Variants in SLC4A10 observed in about 807,000 individuals in gnomAD.
The protein encoded by SLC4A10 is sodium-driven chloride bicarbonate exchanger.
Under a neutral mutation model 137.7 loss-of-function variants are expected in SLC4A10, and 42 were observed. That is an observed-to-expected ratio of 0.30 (90% CI 0.24 to 0.39). SLC4A10 has a LOEUF of 0.39. Among genes scored for constraint, SLC4A10 ranks in the 10% least tolerant of loss-of-function variants. The probability of loss-of-function intolerance (pLI) is 1.00; values close to 1 mark genes in which losing one functional copy is unlikely to be tolerated. For missense variants in SLC4A10, 925 were observed against 1,355.0 expected (o/e 0.68, Z 4.98); for synonymous variants, 474 against 464.1 (o/e 1.02, Z -0.27).
At chr2:161,646,565 C>G (rs1205243645) in intron 1 of SLC4A10, among the ~76,000 whole-genome samples, 1 of 151,750 alleles carries the variant, frequency 6.6e-6, no homozygotes, top group Non-Finnish European at 1.5e-5. Flanking sequence ...GTCTTTATAC[C>G]TATACTTTAG....
intron 15 of SLC4A10, 27 bp from the exon 16 acceptor site, chr2:161,942,765 A>G (rs781523724): frequency 6.5e-7 from 1 of 1,543,512 alleles, no homozygotes; most frequent in Non-Finnish European, 8.8e-7. Flanking sequence ...TACTTATTTC[A>G]CAAAAGACAC....
intron 9 of SLC4A10, among the ~76,000 whole-genome samples, chr2:161,881,751 C>A (rs975417228): frequency 6.6e-6 from 1 of 151,912 alleles, no homozygotes; most frequent in African/African-American, 2.4e-5. Flanking sequence ...GCCAAATGTT[C>A]GACCTAATAT....
At chr2:161,970,078 A>T (rs1021529177) in intron 23 of SLC4A10, among the ~76,000 whole-genome samples, 7 of 152,204 alleles carry the variant, frequency 4.6e-5, no homozygotes, top group Non-Finnish European at 1.0e-4. Flanking sequence ...ATCTCTGTTA[A>T]TAAGACCTCT....
In SLC4A10 at chr2:161,950,639, TATTC is replaced by T. The variant is rs750133555; in HGVS notation, c.2380-44_2380-41del. Reference sequence around the variant, plus strand: ...ATCTGTAAGACCTAATTTGATCAAGTATTCATTAATCCAGTTCATAACTATGCAC... The same window carrying T: ...ATCTGTAAGACCTAATTTGATCAAGTATTAATCCAGTTCATAACTATGCAC... On this transcript the variant is annotated intron_variant, in intron 18 of 26. Transcript: ENST00000446997. 2.6e-6 allele frequency: 4 copies of T among 1,537,374 alleles called. No homozygotes were observed. In the East Asian group the frequency reaches 9.7e-5, roughly 37 times the overall value.
rs2041407675 is a variant in SLC4A10 at position 161,686,379 on chromosome 2, CAATT to C, written c.48+61814_48+61817del. Among the ~76,000 whole-genome samples the C allele has an allele frequency of 4.6e-5, 7 of 151,966 alleles. No individual in the cohort carries two copies. The South Asian group carries it at 1.5e-3, about 32-fold the overall frequency. Reference sequence around the variant, plus strand: ...AAATTAAGATATATTTTTCAAATATCAATTTATTAAATATTAAAAGATTGATTAT... The same window carrying C: ...AAATTAAGATATATTTTTCAAATATCTATTAAATATTAAAAGATTGATTAT... On this transcript the variant is annotated intron_variant, in intron 1 of 26. Coordinates refer to ENST00000446997, the MANE Select transcript of SLC4A10 (RefSeq NM_001178015.2).
chr2:161,905,502 A>C (rs1043796367), intron 14 of SLC4A10, 140 bp from the exon 15 acceptor site: 2 of 1,211,400 alleles, frequency 1.7e-6, no homozygotes, highest in Non-Finnish European at 2.3e-6. Context: ...TGCTTTAGAC[A>C]GTCTTGAGTT....
At chr2:161,736,418 G>T (rs1225621753) in intron 1 of SLC4A10, among the ~76,000 whole-genome samples, 1 of 152,106 alleles carries the variant, frequency 6.6e-6, no homozygotes, top group Non-Finnish European at 1.5e-5. Flanking sequence ...ACACTGCTAT[G>T]GAGAAAAATC....
intron 3 of SLC4A10, among the ~76,000 whole-genome samples, chr2:161,810,303 A>C (rs1452857595): frequency 6.6e-6 from 1 of 152,030 alleles, no homozygotes; most frequent in Non-Finnish European, 1.5e-5. Context: ...AATTATAATC[A>C]TCAGCAAAGA....
chr2:161,853,553 C>T (rs1242085119), intron 4 of SLC4A10, among the ~76,000 whole-genome samples: 1 of 152,138 alleles, frequency 6.6e-6, no homozygotes, highest in Non-Finnish European at 1.5e-5. Context: ...AGAGGGAGAA[C>T]CAGTTATGAC....
At chr2:161,820,731 C>T (rs1261636250) in intron 3 of SLC4A10, among the ~76,000 whole-genome samples, 1 of 152,138 alleles carries the variant, frequency 6.6e-6, no homozygotes, top group Non-Finnish European at 1.5e-5. Flanking sequence ...GAAGCTACTA[C>T]AAGTAATAAT....
intron 6 of SLC4A10, among the ~76,000 whole-genome samples, chr2:161,868,192 A>G (rs1374364652): frequency 6.6e-6 from 1 of 151,982 alleles, no homozygotes; most frequent in African/African-American, 2.4e-5. Flanking sequence ...AAATGAGTTA[A>G]TATAATACTC....
At chr2:161,968,881 A>T (rs1176708964) in intron 23 of SLC4A10, among the ~76,000 whole-genome samples, 3 of 152,182 alleles carry the variant, frequency 2.0e-5, no homozygotes, top group African/African-American at 7.2e-5. Context: ...GTTTGCCCGG[A>T]TCTTGGTATT....
rs539137605 is a variant in SLC4A10 at position 161,818,537 on chromosome 2, G to A, written c.277+13942G>A. 1.3e-5 allele frequency among the ~76,000 whole-genome samples: 2 copies of A among 152,226 alleles called. 1 individual carries two copies. The highest frequency in any genetic ancestry group is 4.1e-4 in the South Asian group (2 of 4,824). The stretch of plus-strand genomic sequence containing the variant: ...ATGTTGAATAGGAGTGGTGAGAGAG[G>A]GCATCCCTGTCTTGTGCCAGTTTTC... On this transcript the variant is annotated intron_variant, in intron 3 of 26. Transcript: ENST00000446997.
chr2:161,976,711 A>G (rs780898452), intron 24 of SLC4A10, 49 bp from the exon 25 acceptor site: 4 of 887,248 alleles, frequency 4.5e-6, no homozygotes, highest in South Asian at 4.4e-5. Context: ...GAAAAACTGC[A>G]GTTACTTATG....
intron 1 of SLC4A10, among the ~76,000 whole-genome samples, chr2:161,767,253 T>C (rs1473531867): frequency 7.0e-6 from 1 of 142,560 alleles, no homozygotes; most frequent in Non-Finnish European, 1.5e-5. Flanking sequence ...TATATATATA[T>C]ATTCAGGCTT....
chr2:161,858,707 CT>C (rs2060236010), intron 5 of SLC4A10, among the ~76,000 whole-genome samples: 2 of 152,142 alleles, frequency 1.3e-5, no homozygotes, highest in Admixed American at 6.6e-5. Flanking sequence ...GAAATATCCT[CT>C]CTGCAGTGTG....
intron 3 of SLC4A10, among the ~76,000 whole-genome samples, chr2:161,832,942 G>T (rs56264166): frequency 0.067 from 10,261 of 152,068 alleles, 453 homozygotes; most frequent in East Asian, 0.17. Context: ...GGGTTTCACC[G>T]TGTTAGCCAG....
chr2:161,843,867 T>G (rs2059337640), intron 4 of SLC4A10, among the ~76,000 whole-genome samples: 1 of 152,176 alleles, frequency 6.6e-6, no homozygotes, highest in Non-Finnish European at 1.5e-5. Flanking sequence ...GCATAATTTA[T>G]GCCCACTGTC....
At chr2:161,666,444 C>T (rs1457635181) in intron 1 of SLC4A10, among the ~76,000 whole-genome samples, 1 of 151,520 alleles carries the variant, frequency 6.6e-6, no homozygotes, top group Non-Finnish European at 1.5e-5. Flanking sequence ...AAAATTGCAG[C>T]CAAGGTATTA....
Sources: allele counts gnomAD v4.1 joint callset (sites outside exome capture counted in the v4.1 genomes callset), GRCh38; gene constraint gnomAD v4.1.1; transcripts MANE v1.5; gene names NCBI Gene and HGNC (gene_info 2026-07-23, HGNC 2026-07-21).